PCDH15: variants seen among roughly 807,000 people sequenced by gnomAD.
The protein encoded by PCDH15 is protocadherin related 15, also known as protocadherin-15.
A neutral mutation model predicts 178.5 loss-of-function variants in PCDH15; 129 were observed. The observed-to-expected ratio is 0.72, with a 90% CI of 0.63 to 0.84. The LOEUF (loss-of-function observed/expected upper bound fraction) is 0.84, where lower values mean the gene tolerates loss of function less well. PCDH15 is among the 40% of genes least tolerant of loss of function. PCDH15 has a pLI of 0.00. For synonymous variants in PCDH15, 800 were observed against 732.0 expected (o/e 1.09, Z -1.50); for missense variants, 2,230 against 2,099.9 (o/e 1.06, Z -1.21).
chr10:54,876,252 A>ATT (rs1954141698), intron 3 of PCDH15, among the ~76,000 whole-genome samples: 1 of 151,684 alleles, frequency 6.6e-6, no homozygotes, highest in African/African-American at 2.4e-5. Context: ...AGAAAAAAAA[A>ATT]TTTTTAATAT....
At chr10:55,383,226 A>G (rs1837578697) in intron 2 of PCDH15, among the ~76,000 whole-genome samples, 1 of 152,094 alleles carries the variant, frequency 6.6e-6, no homozygotes, top group African/African-American at 2.4e-5. Flanking sequence ...AAGTCATGCC[A>G]TCTAAAGTTA....
chr10:55,400,570 T>C (rs1475497455), intron 2 of PCDH15, among the ~76,000 whole-genome samples: 1 of 152,118 alleles, frequency 6.6e-6, no homozygotes, highest in Non-Finnish European at 1.5e-5. Context: ...AACAATATTC[T>C]CCGTGCTCCC....
intron 1 of PCDH15, among the ~76,000 whole-genome samples, chr10:54,766,447 ATTAG>A (rs1948519062): frequency 6.6e-6 from 1 of 152,008 alleles, no homozygotes; most frequent in African/African-American, 2.4e-5. Flanking sequence ...AAAGCTTATT[ATTAG>A]TTAATTTATA....
chr10:54,092,539 G>T (rs2136075919), intron 15 of PCDH15, among the ~76,000 whole-genome samples: 1 of 151,684 alleles, frequency 6.6e-6, no homozygotes, highest in Non-Finnish European at 1.5e-5. Flanking sequence ...AAATATTTTT[G>T]AAACATCCCA....
chr10:54,945,032 T>G (rs1261432103), intron 2 of PCDH15, among the ~76,000 whole-genome samples: 1 of 151,928 alleles, frequency 6.6e-6, no homozygotes, highest in Non-Finnish European at 1.5e-5. Context: ...TGTCATTGTG[T>G]GCAAAGGTTG....
Position 54,461,880 on chromosome 10 carries a change from T to C in PCDH15, c.157+65932A>G, listed in dbSNP as rs187782514. Among the ~76,000 whole-genome samples the C allele has an allele frequency of 4.6e-5, 7 of 152,258 alleles. No homozygotes were observed. In the East Asian group the frequency reaches 1.3e-3, roughly 29 times the overall value. Reference sequence around the variant, plus strand: ...TTATGATAAGGATTTAATATTTAATTCTTACCAAGTTATTAGGGTAAGAAC... The same window carrying C: ...TTATGATAAGGATTTAATATTTAATCCTTACCAAGTTATTAGGGTAAGAAC... On this transcript the variant is annotated intron_variant, in intron 3 of 37. Transcript: ENST00000644397.
intron 8 of PCDH15, among the ~76,000 whole-genome samples, chr10:54,316,547 C>A (rs2061283473): frequency 1.0e-5 from 1 of 98,682 alleles, no homozygotes; most frequent in Admixed American, 9.2e-5. Context: ...CACACACACA[C>A]ACACACACAC....
At chr10:54,357,695 T>A (rs958162795) in intron 5 of PCDH15, among the ~76,000 whole-genome samples, 1 of 152,058 alleles carries the variant, frequency 6.6e-6, no homozygotes, top group Non-Finnish European at 1.5e-5. Flanking sequence ...AAAAAGAGCC[T>A]GCATCGCCAA....
At chr10:54,896,964 G>T (rs536441962) in intron 3 of PCDH15, among the ~76,000 whole-genome samples, 39 of 152,212 alleles carry the variant, frequency 2.6e-4, no homozygotes, top group African/African-American at 8.9e-4. Context: ...ATTTTAAAAA[G>T]AACTCTTTCA....
rs1198356797 is a variant in PCDH15, at chr10:54,476,583, G to A, written c.157+51229C>T. ...ATTATATAAAAGGTGTTTCTTTTAG[G>A]TTATAATCCAAAGAAGTTTTGAAAG... On this transcript the variant is annotated intron_variant, in intron 3 of 37. Transcript: ENST00000644397. 3.9e-5 allele frequency among the ~76,000 whole-genome samples: 6 copies of A among 152,052 alleles called. No individual in the cohort carries two copies. The South Asian group carries it at 1.2e-3, about 31-fold the overall frequency.
At chr10:55,274,331 G>A (rs1251324560) in intron 1 of PCDH15, among the ~76,000 whole-genome samples, 1 of 151,830 alleles carries the variant, frequency 6.6e-6, no homozygotes, top group Non-Finnish European at 1.5e-5. Flanking sequence ...GGTGTTTTTT[G>A]TTTATTTGTT....
chr10:55,616,426 A>G (rs1015798811), intron 2 of PCDH15, among the ~76,000 whole-genome samples: 21 of 152,284 alleles, frequency 1.4e-4, no homozygotes, highest in African/African-American at 4.3e-4. Context: ...AATTGCAGAC[A>G]ACCATGTATT....
At chr10:54,497,076 T>G (rs1353850065) in intron 3 of PCDH15, among the ~76,000 whole-genome samples, 1 of 151,952 alleles carries the variant, frequency 6.6e-6, no homozygotes, top group Non-Finnish European at 1.5e-5. Flanking sequence ...ATCTTGGCCT[T>G]TCCAGCACAT....
chr10:54,331,015 G>A (rs1280912839), intron 6 of PCDH15, among the ~76,000 whole-genome samples: 1 of 151,682 alleles, frequency 6.6e-6, no homozygotes, highest in Non-Finnish European at 1.5e-5. Context: ...AGGGGAAGGA[G>A]AAGAGAAAGG....
At chr10:54,835,579 C>G (rs530459249) in intron 3 of PCDH15, among the ~76,000 whole-genome samples, 2 of 152,204 alleles carry the variant, frequency 1.3e-5, no homozygotes, top group African/African-American at 4.8e-5. Context: ...CACCTTGATG[C>G]ACATGGAAAC....
At chr10:55,196,854 A>T (rs529400930) in intron 1 of PCDH15, among the ~76,000 whole-genome samples, 11 of 152,162 alleles carry the variant, frequency 7.2e-5, no homozygotes, top group Non-Finnish European at 1.3e-4. Flanking sequence ...AATAATTGTG[A>T]GATGAGCGAG....
chr10:54,078,909 T>G (rs2094390239), intron 17 of PCDH15, among the ~76,000 whole-genome samples: 1 of 152,164 alleles, frequency 6.6e-6, no homozygotes, highest in African/African-American at 2.4e-5. Flanking sequence ...ATCACTTTCC[T>G]AAGTGCTTAA....
chr10:53,830,821 T>C (rs1025289338), intron 30 of PCDH15, among the ~76,000 whole-genome samples: 1 of 152,182 alleles, frequency 6.6e-6, no homozygotes, highest in African/African-American at 2.4e-5. Context: ...AAATTACATC[T>C]TACATGCTAT....
intron 3 of PCDH15, among the ~76,000 whole-genome samples, chr10:54,461,967 T>C (rs918524157): frequency 4.6e-5 from 7 of 152,042 alleles, no homozygotes; most frequent in Non-Finnish European, 8.8e-5. Context: ...TACTAGCATA[T>C]GATAAAATCT....
Sources: gnomAD v4.1 joint callset for allele counts (sites outside exome capture counted in the v4.1 genomes callset) on GRCh38, gnomAD v4.1.1 for gene constraint, MANE v1.5 for transcripts, NCBI Gene and HGNC (gene_info 2026-07-23, HGNC 2026-07-21) for gene names.